GGA3: variants seen among roughly 807,000 people sequenced by gnomAD.
GGA3 encodes the protein golgi associated, gamma adaptin ear containing, ARF binding protein 3.
Under a neutral mutation model 77.5 loss-of-function variants are expected in GGA3, and 57 were observed. The observed-to-expected ratio is 0.74, with a 90% CI of 0.59 to 0.92. The LOEUF (loss-of-function observed/expected upper bound fraction) is 0.92, where lower values mean the gene tolerates loss of function less well. GGA3 is among the 40% of genes least tolerant of loss of function. The pLI, the probability that GGA3 is intolerant of heterozygous loss-of-function variation, is 0.00. For synonymous variants in GGA3, 416 were observed against 383.7 expected (o/e 1.08, Z -0.98); for missense variants, 970 against 914.9 (o/e 1.06, Z -0.78).
chr17:75,261,669 T>A, upstream of GGA3: 1 of 1,335,810 alleles, frequency 7.5e-7, no homozygotes, highest in Non-Finnish European at 1.0e-6. Context: ...CATGGGGTCC[T>A]GAGAGGAGTG....
intron 1 of GGA3, among the ~76,000 whole-genome samples, chr17:75,249,881 G>C (rs2076901201): frequency 6.6e-6 from 1 of 152,130 alleles, no homozygotes; most frequent in African/African-American, 2.4e-5. Context: ...CTACTTCCAA[G>C]AACACTCCTG....
chr17:75,251,266 G>C (rs993206817), intron 1 of GGA3, among the ~76,000 whole-genome samples: 2 of 151,858 alleles, frequency 1.3e-5, no homozygotes, highest in Admixed American at 6.6e-5. Flanking sequence ...GCCAGACCCT[G>C]GAGGGACTAC....
intron 16 of GGA3, 115 bp from the exon 17 acceptor site, chr17:75,238,504 A>G (rs1004586202): frequency 2.9e-6 from 3 of 1,020,450 alleles, no homozygotes; most frequent in South Asian, 1.5e-5. Context: ...GCAACCCCCA[A>G]CCATGCTCAG....
At chr17:75,256,344 G>A (rs994798371) in intron 1 of GGA3, among the ~76,000 whole-genome samples, 33 of 151,914 alleles carry the variant, frequency 2.2e-4, no homozygotes, top group Non-Finnish European at 4.7e-4. Context: ...TATACTTTCT[G>A]CTCCCCGGCT....
Position 75,238,934 on chromosome 17 carries a change from G to A in GGA3, c.1930C>T (p.Leu644=), listed in dbSNP as rs1191283000. The part of the protein sequence containing the change: ...TAPLPVKSIV[L]QAAVPKSMKV... ...GGTACCTTGGGCACTGCAGCCTGCA[G>A]CACGATGCTCTTGACAGGTAAGGGA... Residue 644 remains leucine (L), a synonymous_variant, in exon 15 of 17, where the codon CTG becomes TTG. Transcript: ENST00000537686. 2.5e-6 allele frequency: 4 copies of A among 1,614,086 alleles called. No individual in the cohort carries two copies. In the East Asian group the frequency reaches 8.9e-5, roughly 36 times the overall value.
intron 1 of GGA3, among the ~76,000 whole-genome samples, chr17:75,250,498 C>T (rs1056042234): frequency 2.0e-5 from 3 of 152,220 alleles, no homozygotes; most frequent in African/African-American, 4.8e-5. Flanking sequence ...TGCGGTGGCT[C>T]ACGCCCGTAA....
At chr17:75,238,883 G>A (rs2076417613) in intron 15 of GGA3, 31 bp downstream of exon 15, 2 of 1,610,520 alleles carry the variant, frequency 1.2e-6, no homozygotes, top group Non-Finnish European at 1.7e-6. Context: ...GTCAAGATAA[G>A]GCCGTTTTGG....
intron 1 of GGA3, among the ~76,000 whole-genome samples, chr17:75,247,747 C>A (rs2076808091): frequency 6.6e-6 from 1 of 152,162 alleles, no homozygotes; most frequent in Admixed American, 6.5e-5. Flanking sequence ...CACCCCCAGG[C>A]TCTAATGGCC....
Position 75,237,937 on chromosome 17 carries a change from C to CCCCCATT in GGA3, c.*341_*342insAATGGGG. 1 of 778,120 alleles carries CCCCCATT rather than the reference C, an allele frequency of 1.3e-6. No individual in the cohort carries two copies. Among genetic ancestry groups the CCCCCATT allele is most frequent in the Non-Finnish European group, 1.6e-6 (1 of 611,928 alleles). The allele number at this position is 778,120 out of a possible 1,614,324, so 48.2% of individuals were successfully genotyped here. A position where few individuals can be genotyped will look rare whatever the true frequency, so the allele number is the denominator to read the frequency against. On this transcript the variant is annotated 3_prime_UTR_variant, in exon 17 of 17. Transcript: ENST00000537686. ...GAGACTCCCACCCCCCACCCCCCAC[C>CCCCCATT]CCAGTGGCTTCAGTGAATGCCAGTA...
At position 75,237,326 on chromosome 17, in the gene GGA3, C is replaced by G. The variant is rs894164803; in HGVS notation, c.*953G>C. The G allele has an allele frequency of 4.3e-6, 3 of 689,840 alleles. No individual in the cohort carries two copies. Among genetic ancestry groups the G allele is most frequent in the Non-Finnish European group, 7.7e-6 (3 of 392,030 alleles). The allele number at this position is 689,840 out of a possible 1,614,324, so 42.7% of individuals were successfully genotyped here. A position where few individuals can be genotyped will look rare whatever the true frequency, so the allele number is the denominator to read the frequency against. On this transcript the variant is annotated 3_prime_UTR_variant, in exon 17 of 17. Coordinates refer to ENST00000537686, the MANE Select transcript of GGA3 (RefSeq NM_138619.4). The stretch of plus-strand genomic sequence containing the variant: ...ATATGTCTAGTGTAACATTTGTGAT[C>G]CTGAGGCCTCCTGTGTCCAGCCACA...
rs774122056 is a variant in GGA3 at position 75,240,983 on chromosome 17, C to G, written c.1021G>C (p.Val341Leu). ...ELDTTNSLSS[V>L]LAPAPTPPSS... ...GGTGGAGTAGGTGCTGGGGCCAACA[C>G]GGAGGACAAACTGTTGGTCGTGTCC... is the stretch of plus-strand genomic sequence containing the variant. Residue 341 changes from valine to leucine, a missense_variant, in exon 11 of 17, where the codon GTG becomes CTG. Coordinates refer to ENST00000537686, the MANE Select transcript of GGA3 (RefSeq NM_138619.4). 8.7e-6 allele frequency: 14 copies of G among 1,613,950 alleles called. No individual in the cohort carries two copies. The highest frequency in any genetic ancestry group is 1.2e-5 in the Non-Finnish European group (14 of 1,179,964).
In GGA3 at chr17:75,237,916, C is replaced by A; in HGVS notation, c.*363G>T. The A allele has an allele frequency of 8.4e-7, 1 of 1,184,874 alleles. No individual in the cohort carries two copies. Among genetic ancestry groups the A allele is most frequent in the Non-Finnish European group, 1.0e-6 (1 of 955,574 alleles). 73.4% of individuals were successfully genotyped at this position (1,184,874 alleles called of 1,614,324 possible). A position where few individuals can be genotyped will look rare whatever the true frequency, so the allele number is the denominator to read the frequency against. On this transcript the variant is annotated 3_prime_UTR_variant, in exon 17 of 17. Transcript: ENST00000537686. ...ACCCATGACAGTCTCTCTTTAGAGACTCCCACCCCCCACCCCCCACCCCAG... is the reference window on the plus strand; with the variant it reads ...ACCCATGACAGTCTCTCTTTAGAGAATCCCACCCCCCACCCCCCACCCCAG...
rs866688754 is a variant in GGA3, at chr17:75,237,278, G to A, written c.*1001C>T. 3.3e-5 allele frequency: 20 copies of A among 612,252 alleles called. No individual in the cohort carries two copies. In the Middle Eastern group the frequency reaches 2.6e-3, roughly 79 times the overall value. 37.9% of individuals were successfully genotyped at this position (612,252 alleles called of 1,614,324 possible). A position where few individuals can be genotyped will look rare whatever the true frequency, so the allele number is the denominator to read the frequency against. On this transcript the variant is annotated 3_prime_UTR_variant, in exon 17 of 17. Coordinates refer to ENST00000537686, the MANE Select transcript of GGA3 (RefSeq NM_138619.4). Reference sequence around the variant, plus strand: ...CCTCAGTAGCTGGGGAACAGTTGAGGTTTCTGGGCAGCACATTAGGACATA... The same window carrying A: ...CCTCAGTAGCTGGGGAACAGTTGAGATTTCTGGGCAGCACATTAGGACATA...
At position 75,238,756 on chromosome 17, in the gene GGA3, T is replaced by C. The variant is rs764629996; in HGVS notation, c.1957A>G (p.Lys653Glu). 5 of 1,612,724 alleles carry C rather than the reference T, an allele frequency of 3.1e-6. No homozygotes were observed. The highest frequency in any genetic ancestry group is 4.2e-6 in the Non-Finnish European group (5 of 1,179,006). ...VLQAAVPKSM[K>E]VKLQPPSGTE... ...CCAGAAGGTGGCTGCAACTTCACTT[T>C]CATTGACTAAAGAGAGAGAAACTCC... The change falls in exon 16 of 17, where the codon AAA becomes GAA. Residue 653 changes from lysine to glutamate, a missense_variant. Transcript: ENST00000537686.
At position 75,243,116 on chromosome 17, in the gene GGA3, AG is replaced by A; in HGVS notation, c.474del (p.Ser159LeufsTer20). The A allele has an allele frequency of 1.2e-6, 2 of 1,613,470 alleles. No individual in the cohort carries two copies. Among genetic ancestry groups the A allele is most frequent in the Non-Finnish European group, 1.7e-6 (2 of 1,179,766 alleles). ...GGGTTTTTGGGACGAGGTGGTGGAG[AG>A]GGGATCAGCGTCCTATCCACAGGAA... Reference protein sequence around the residue: ...PPIPVDRTLIPSPPPRPKNPV... With the variant: ...PPIPVDRTLIXSPPPRPKNPV... On this transcript the variant is annotated frameshift_variant, in exon 6 of 17. Transcript: ENST00000537686. LOFTEE classifies it high-confidence loss of function.
intron 1 of GGA3, among the ~76,000 whole-genome samples, chr17:75,252,472 TCTC>T (rs2077001757): frequency 6.6e-6 from 1 of 152,138 alleles, no homozygotes; most frequent in South Asian, 2.1e-4. Context: ...TTCTTCCCTC[TCTC>T]CTCATCCATT....
intron 1 of GGA3, among the ~76,000 whole-genome samples, chr17:75,260,337 T>C (rs569943644): frequency 2.0e-5 from 3 of 152,352 alleles, no homozygotes; most frequent in South Asian, 2.1e-4. Flanking sequence ...TTTTGTGAAA[T>C]TATGGCAGTA....
rs1301153835 is a variant in GGA3 at position 75,238,019 on chromosome 17, A to C, written c.*260T>G. 2 of 1,256,524 alleles carry C rather than the reference A, an allele frequency of 1.6e-6. No individual in the cohort carries two copies. Among genetic ancestry groups the C allele is most frequent in the South Asian group, 4.9e-5 (2 of 40,452 alleles). The allele number at this position is 1,256,524 out of a possible 1,614,324, so 77.8% of individuals were successfully genotyped here. A position where few individuals can be genotyped will look rare whatever the true frequency, so the allele number is the denominator to read the frequency against. ...GGTCCATGTTCCCGGGACAGCAGTG[A>C]AGTCAGGGGCCACTCCGCACCCCTG... On this transcript the variant is annotated 3_prime_UTR_variant, in exon 17 of 17. Transcript: ENST00000537686.
At chr17:75,241,098 C>A in intron 10 of GGA3, 41 bp from the exon 11 acceptor site, 2 of 1,612,040 alleles carry the variant, frequency 1.2e-6, no homozygotes, top group South Asian at 1.1e-5. Flanking sequence ...AATTAGGGGT[C>A]TTCTAGTGGC....
Sources: allele counts gnomAD v4.1 joint callset (sites outside exome capture counted in the v4.1 genomes callset), GRCh38; gene constraint gnomAD v4.1.1; transcripts MANE v1.5; gene names NCBI Gene and HGNC (gene_info 2026-07-23, HGNC 2026-07-21).